SLC10A4: variants seen among roughly 807,000 people sequenced by gnomAD.
SLC10A4 encodes the protein putative sodium/bile acid cotransporter 4.
In SLC10A4, 17 loss-of-function variants were observed where a neutral mutation model predicts 22.5. The observed-to-expected ratio is 0.76, with a 90% confidence interval of 0.52 to 1.14. The LOEUF is 1.14. SLC10A4 is among the 50% of genes most tolerant of loss of function. The pLI is 0.00. For synonymous variants in SLC10A4, 257 were observed against 258.2 expected (o/e 1.00, Z 0.04); for missense variants, 548 against 584.0 (o/e 0.94, Z 0.64).
intron 2 of SLC10A4, among the ~76,000 whole-genome samples, chr4:48,486,597 A>G (rs1718287302): frequency 6.6e-6 from 1 of 151,592 alleles, no homozygotes; most frequent in Non-Finnish European, 1.5e-5. Context: ...CCTATTCTTT[A>G]ATTAACACAC....
At chr4:48,485,829 A>T (rs1479679633) in intron 2 of SLC10A4, among the ~76,000 whole-genome samples, 2 of 152,194 alleles carry the variant, frequency 1.3e-5, no homozygotes, top group Non-Finnish European at 2.9e-5. Flanking sequence ...GGATTTCTAT[A>T]ATTTGTGCAA....
intron 1 of SLC10A4, 148 bp from the exon 2 acceptor site, chr4:48,484,784 C>G (rs777136775): frequency 2.7e-5 from 19 of 692,950 alleles, no homozygotes; most frequent in Admixed American, 1.3e-4. Flanking sequence ...GCTCTCTTGG[C>G]ACTCTCCTCG....
Position 48,488,751 on chromosome 4 carries a change from G to T in SLC10A4, c.1126G>T (p.Gly376Trp). The change falls in exon 3 of 3, where the codon GGG (glycine) becomes TGG (tryptophan). Residue 376 changes from glycine to tryptophan, a missense_variant. Gly to Trp is a radical substitution (Grantham distance 184). Coordinates refer to ENST00000273861, the MANE Select transcript of SLC10A4 (RefSeq NM_152679.4). ...TGCACTTTTCCAGTCTGCAGAAGCG[G>T]GGATTTTTGTTTTAATCTATAAAAT... is the stretch of plus-strand genomic sequence containing the variant. ...LYALFQSAEA[G>W]IFVLIYKMYG... 6.2e-7 allele frequency: 1 copy of T among 1,614,012 alleles called. No homozygotes were observed. Among genetic ancestry groups the T allele is most frequent in the Admixed American group, 1.7e-5 (1 of 60,024 alleles).
chr4:48,489,029 A>G lies in SLC10A4; in HGVS notation c.*90A>G. Reference sequence around the variant, plus strand: ...GTGCACATGGTTAACATAAAAGATAACACTGGTTCACATCATACATGTAAC... The same window carrying G: ...GTGCACATGGTTAACATAAAAGATAGCACTGGTTCACATCATACATGTAAC... On this transcript the variant is annotated 3_prime_UTR_variant, in exon 3 of 3. Coordinates refer to ENST00000273861, the MANE Select transcript of SLC10A4 (RefSeq NM_152679.4). 3 of 1,363,528 alleles carry G rather than the reference A, an allele frequency of 2.2e-6. No individual in the cohort carries two copies. Among genetic ancestry groups the G allele is most frequent in the Non-Finnish European group, 2.0e-6 (2 of 1,001,100 alleles). The allele number at this position is 1,363,528 out of a possible 1,614,324, so 84.5% of individuals were successfully genotyped here.
rs773486351 is a variant in SLC10A4 at position 48,484,945 on chromosome 4, A to G, written c.604A>G (p.Ile202Val). The G allele has an allele frequency of 3.1e-6, 5 of 1,613,244 alleles. No individual in the cohort carries two copies. Among genetic ancestry groups the G allele is most frequent in the African/African-American group, 2.7e-5 (2 of 74,856 alleles). The stretch of plus-strand genomic sequence containing the variant: ...CCTTTTCTGCAGCATCATCATGACC[A>G]TCTCCTCCACGCTTCTGGCCCTCGT... ...GDMNLSIIMTISSTLLALVLM... is the reference protein window; with the variant it reads ...GDMNLSIIMTVSSTLLALVLM... Residue 202 changes from isoleucine (I) to valine (V), a missense_variant, in exon 2 of 3, where the codon ATC (isoleucine) becomes GTC (valine). Coordinates refer to ENST00000273861, the MANE Select transcript of SLC10A4 (RefSeq NM_152679.4).
chr4:48,486,982 A>T (rs1718293122), intron 2 of SLC10A4, among the ~76,000 whole-genome samples: 1 of 152,188 alleles, frequency 6.6e-6, no homozygotes, highest in Non-Finnish European at 1.5e-5. Context: ...CCAGGGAACC[A>T]GAAGCAACAT....
In SLC10A4 at chr4:48,483,802, G is replaced by A; in HGVS notation, c.241G>A (p.Gly81Ser). The A allele has an allele frequency of 6.6e-7, 1 of 1,513,212 alleles. No individual in the cohort carries two copies. The allele number at this position is 1,513,212 out of a possible 1,614,324, so 93.7% of individuals were successfully genotyped here. A position where few individuals can be genotyped will look rare whatever the true frequency, so the allele number is the denominator to read the frequency against. ...SGLAGGAASH[G>S]PSPFPRPWAP... ...CCTCGCGGGCGGCGCGGCGAGCCAC[G>A]GCCCTTCCCCGTTCCCTCGGCCCTG... Residue 81 changes from glycine (G) to serine (S), a missense_variant, in exon 1 of 3, where the codon GGC (glycine) becomes AGC (serine). By Grantham distance (56) the Gly-to-Ser change is moderately conservative. This residue lies in a region of SLC10A4 where 225 missense variants were observed against 206.9 expected (regional missense o/e 1.09). Coordinates refer to ENST00000273861, the MANE Select transcript of SLC10A4 (RefSeq NM_152679.4). This position sits in a 1 kb window ranked among gnomAD's most constrained non-coding sequence, Gnocchi z 5.4.
intron 2 of SLC10A4, among the ~76,000 whole-genome samples, chr4:48,486,414 T>C (rs975308106): frequency 1.3e-5 from 2 of 151,634 alleles, no homozygotes; most frequent in Non-Finnish European, 2.9e-5. Context: ...ATTAATGTGA[T>C]GGCATTTACT....
In SLC10A4 at chr4:48,488,943, T is replaced by C. The variant is rs202212056; in HGVS notation, c.*4T>C. ...AACCGCTCAGACTTCTCTCTAAATG[T>C]GGAGATACACAGGAGCTTCTATCTT... On this transcript the variant is annotated 3_prime_UTR_variant, in exon 3 of 3. Transcript: ENST00000273861. 1.1e-5 allele frequency: 17 copies of C among 1,577,828 alleles called. No individual in the cohort carries two copies. In the East Asian group the frequency reaches 3.6e-4, roughly 33 times the overall value.
intron 2 of SLC10A4, among the ~76,000 whole-genome samples, chr4:48,487,627 C>T (rs896976568): frequency 5.3e-5 from 8 of 152,066 alleles, no homozygotes; most frequent in South Asian, 4.2e-4. Context: ...AACACATTCT[C>T]AGAACAGTCA....
intron 2 of SLC10A4, among the ~76,000 whole-genome samples, chr4:48,487,787 GCTTTT>G (rs1718306146): frequency 3.9e-5 from 3 of 77,726 alleles, no homozygotes; most frequent in Non-Finnish European, 5.2e-5. Flanking sequence ...TTTTTGAAGA[GCTTTT>G]TTTTTTTTTT....
At chr4:48,488,176 A>G (rs1449930674) in intron 2 of SLC10A4, among the ~76,000 whole-genome samples, 2 of 150,658 alleles carry the variant, frequency 1.3e-5, no homozygotes, top group African/African-American at 2.4e-5. Context: ...GCCTATATCC[A>G]ACTCAATGGC....
rs1718331161 is a variant in SLC10A4, at chr4:48,488,707, A to G, written c.1082A>G (p.Tyr361Cys). ...CCACCGCAATTCATAGGAAGCATGT[A>G]CATGTTTCCTTTGCTGTATGCACTT... ...AFPPQFIGSM[Y>C]MFPLLYALFQ... The change falls in exon 3 of 3, where the codon TAC becomes TGC. Residue 361 changes from tyrosine (Y) to cysteine (C), a missense_variant. By Grantham distance (194) the Tyr-to-Cys change is radical (BLOSUM62 -2). Around this residue, in one of 3 missense-constraint regions of SLC10A4, gnomAD observed 314 missense variants for 353.2 expected, o/e 0.89. Transcript: ENST00000273861. The G allele has an allele frequency of 1.2e-6, 2 of 1,613,934 alleles. No individual in the cohort carries two copies. The highest frequency in any genetic ancestry group is 1.7e-6 in the Non-Finnish European group (2 of 1,180,042).
rs1295757424 is a variant in SLC10A4 at position 48,485,113 on chromosome 4, T to TA, written c.773dup (p.Tyr258Ter). ...IGLGVFIRYKYSRVADYIVKV... is the reference protein window; with the variant it reads ...IGLGVFIRYK The stretch of plus-strand genomic sequence containing the variant: ...GTTGGGCGTCTTCATTCGCTACAAA[T>TA]ACAGCCGGGTGGCTGACTACATTGT... Residue 258 changes from tyrosine (Y) to a stop codon, truncating the protein, a stop_gained and frameshift_variant, in exon 2 of 3, where the codon TAC (tyrosine) becomes TAAC (stop). Coordinates refer to ENST00000273861, the MANE Select transcript of SLC10A4 (RefSeq NM_152679.4). LOFTEE classifies it high-confidence loss of function. 1 of 1,614,106 alleles carries TA rather than the reference T, an allele frequency of 6.2e-7. No homozygotes were observed. Among genetic ancestry groups the TA allele is most frequent in the South Asian group, 1.1e-5 (1 of 91,072 alleles).
At chr4:48,484,186 A>T in intron 1 of SLC10A4, 35 bp downstream of exon 1, 1 of 1,508,680 alleles carries the variant, frequency 6.6e-7, no homozygotes, top group Non-Finnish European at 8.9e-7. Context: ...CATCTGTCTC[A>T]TCCCAGACGC....
chr4:48,488,409 G>T lies in SLC10A4; in HGVS notation c.802-18G>T. The T allele has an allele frequency of 6.4e-7, 1 of 1,562,674 alleles. No homozygotes were observed. Among genetic ancestry groups the T allele is most frequent in the South Asian group, 1.2e-5 (1 of 82,512 alleles). Reference sequence around the variant, plus strand: ...TGAGTTCATCTTCAACCATCTCATTGTAATTTTCTATTACTAGGTTTCCCT... The same window carrying T: ...TGAGTTCATCTTCAACCATCTCATTTTAATTTTCTATTACTAGGTTTCCCT... On this transcript the variant is annotated intron_variant, in intron 2 of 2. Coordinates refer to ENST00000273861, the MANE Select transcript of SLC10A4 (RefSeq NM_152679.4).
rs564100853 is a variant in SLC10A4, at chr4:48,487,120, A to G, written c.802-1307A>G. Among the ~76,000 whole-genome samples the G allele has an allele frequency of 8.5e-5, 13 of 152,350 alleles. No homozygotes were observed. The South Asian group carries it at 1.2e-3, about 15-fold the overall frequency. ...TAGATTTCCGCCTTACAATTCATAC[A>G]GACTGTTTTATTTGAATGAGTGAAA... On this transcript the variant is annotated intron_variant, in intron 2 of 2. Coordinates refer to ENST00000273861, the MANE Select transcript of SLC10A4 (RefSeq NM_152679.4).
chr4:48,483,796 A>C lies in SLC10A4; in HGVS notation c.235A>C (p.Ser79Arg). The change falls in exon 1 of 3, where the codon AGC (serine) becomes CGC (arginine). Residue 79 changes from serine to arginine, a missense_variant. Coordinates refer to ENST00000273861, the MANE Select transcript of SLC10A4 (RefSeq NM_152679.4). The surrounding 1 kb of genome is among the most constrained non-coding windows in gnomAD (Gnocchi z 5.4). ...TTSGLAGGAA[S>R]HGPSPFPRPW... is the part of the protein sequence containing the mutation. ...CAGCGGCCTCGCGGGCGGCGCGGCG[A>C]GCCACGGCCCTTCCCCGTTCCCTCG... 1 of 1,508,036 alleles carries C rather than the reference A, an allele frequency of 6.6e-7. No homozygotes were observed. Among genetic ancestry groups the C allele is most frequent in the East Asian group, 2.6e-5 (1 of 37,872 alleles). The allele number at this position is 1,508,036 out of a possible 1,614,324, so 93.4% of individuals were successfully genotyped here. A position where few individuals can be genotyped will look rare whatever the true frequency, so the allele number is the denominator to read the frequency against.
Position 48,485,070 on chromosome 4 carries a change from C to A in SLC10A4, c.729C>A (p.Ser243Arg), listed in dbSNP as rs1251443265. 1 of 1,614,146 alleles carries A rather than the reference C, an allele frequency of 6.2e-7. No individual in the cohort carries two copies. ...GGACCGTGACCCTGACTCTCTGCAG[C>A]ACTCTCATACCTATCGGGTTGGGCG... ...PLGTVTLTLC[S>R]TLIPIGLGVF... The change falls in exon 2 of 3, where the codon AGC becomes AGA. Residue 243 changes from serine (S) to arginine (R), a missense_variant. By Grantham distance (110) the Ser-to-Arg change is moderately radical (BLOSUM62 -1). This residue lies in a region of SLC10A4 where 314 missense variants were observed against 353.2 expected (regional missense o/e 0.89). Coordinates refer to ENST00000273861, the MANE Select transcript of SLC10A4 (RefSeq NM_152679.4).
Sources: gnomAD v4.1 joint callset for allele counts (sites outside exome capture counted in the v4.1 genomes callset) on GRCh38, gnomAD v4.1.1 for gene constraint, gnomAD v4.1.1 regional missense constraint, Gnocchi (gnomAD v3.1) non-coding constraint, MANE v1.5 for transcripts, NCBI Gene and HGNC (gene_info 2026-07-23, HGNC 2026-07-21) for gene names.